CTNNBL1: variants seen among roughly 807,000 people sequenced by gnomAD.
The protein encoded by CTNNBL1 is beta-catenin-like protein 1.
A neutral mutation model predicts 72.7 loss-of-function variants in CTNNBL1; 31 were observed. That is an observed-to-expected ratio of 0.43 (90% CI 0.32 to 0.58). CTNNBL1 has a LOEUF of 0.58. Ranked by LOEUF, CTNNBL1 falls within the 20% of genes least tolerant of loss-of-function variation. The pLI is 0.08. For missense variants in CTNNBL1, 534 were observed against 725.1 expected (o/e 0.74, Z 3.03); for synonymous variants, 240 against 267.3 (o/e 0.90, Z 1.00).
Position 37,768,927 on chromosome 20 carries a change from C to T in CTNNBL1, c.750+883C>T, listed in dbSNP as rs535216909. On this transcript the variant is annotated intron_variant, in intron 7 of 15. Transcript: ENST00000361383. Reference sequence around the variant, plus strand: ...CCGAGTAGCTGGGATTACAGGTGTGCGCCACCACGCCTGGCTAATTTTTGT... The same window carrying T: ...CCGAGTAGCTGGGATTACAGGTGTGTGCCACCACGCCTGGCTAATTTTTGT... Among the ~76,000 whole-genome samples the T allele has an allele frequency of 6.4e-4, 98 of 152,082 alleles. No individual in the cohort carries two copies. In the South Asian group the frequency reaches 7.7e-3, roughly 12 times the overall value.
chr20:37,842,092 A>G (rs1182969723), intron 12 of CTNNBL1, among the ~76,000 whole-genome samples: 1 of 152,232 alleles, frequency 6.6e-6, no homozygotes, highest in African/African-American at 2.4e-5. Context: ...CTGAGAATGC[A>G]TAGCCTCCTT....
intron 15 of CTNNBL1, among the ~76,000 whole-genome samples, chr20:37,868,494 C>T (rs1239972801): frequency 1.3e-5 from 2 of 152,174 alleles, no homozygotes; most frequent in Admixed American, 6.5e-5. Flanking sequence ...CAGTGCACAG[C>T]ACATGTTAGT....
chr20:37,697,725 TCTC>T (rs1304319072), intron 1 of CTNNBL1, among the ~76,000 whole-genome samples: 1 of 152,196 alleles, frequency 6.6e-6, no homozygotes, highest in Non-Finnish European at 1.5e-5. Context: ...AGAATCCTGG[TCTC>T]CTTATTATTA....
chr20:37,714,149 C>G (rs190712441), intron 1 of CTNNBL1, among the ~76,000 whole-genome samples: 2 of 152,154 alleles, frequency 1.3e-5, no homozygotes, highest in Admixed American at 1.3e-4. Context: ...GTACTTTCCT[C>G]CAAGTCTACT....
At chr20:37,856,571 G>C (rs1434893005) in intron 13 of CTNNBL1, among the ~76,000 whole-genome samples, 1 of 150,876 alleles carries the variant, frequency 6.6e-6, no homozygotes, top group African/African-American at 2.5e-5. Flanking sequence ...GGGTGAGGGG[G>C]AGTGAGCAGA....
intron 1 of CTNNBL1, among the ~76,000 whole-genome samples, chr20:37,703,286 C>A (rs2072859305): frequency 1.3e-5 from 2 of 152,138 alleles, no homozygotes; most frequent in East Asian, 3.8e-4. Context: ...TCAGAGATGT[C>A]TGGTCATTTT....
At chr20:37,695,725 C>T (rs904737424) in intron 1 of CTNNBL1, among the ~76,000 whole-genome samples, 6 of 152,204 alleles carry the variant, frequency 3.9e-5, no homozygotes, top group African/African-American at 1.2e-4. Context: ...CTTAATTTCT[C>T]TCTGCCTTGG....
In CTNNBL1 at chr20:37,732,908, T is replaced by C. The variant is rs756099330; in HGVS notation, c.60T>C (p.Asp20=). The C allele has an allele frequency of 2.5e-6, 4 of 1,613,798 alleles. No homozygotes were observed. In the South Asian group the frequency reaches 3.3e-5, roughly 13 times the overall value. ...ATAGGGGCACAAAACGTCCCCGGGA[T>C]GATGAAGAGGAGGAGCAGAAGATGC... ...QPNRGTKRPR[D]DEEEEQKMRR... The change falls in exon 2 of 16, where the codon GAT becomes GAC. Residue 20 remains aspartate (D), a synonymous_variant. Transcript: ENST00000361383.
chr20:37,746,606 A>C lies in CTNNBL1; in HGVS notation c.465A>C (p.Thr155=). The part of the protein sequence containing the change: ...SLLGLLGHDN[T]DVSIAVVDLL... Reference sequence around the variant, plus strand: ...TCGGCTTGCTCGGACACGATAATACAGATATCCTTTCAGATCTGACCTCAG... The same window carrying C: ...TCGGCTTGCTCGGACACGATAATACCGATATCCTTTCAGATCTGACCTCAG... The change falls in exon 4 of 16, where the codon ACA becomes ACC. Residue 155 remains threonine (T), a splice_region_variant and synonymous_variant. Transcript: ENST00000361383. 6.2e-7 allele frequency: 1 copy of C among 1,614,048 alleles called. No homozygotes were observed. The highest frequency in any genetic ancestry group is 8.5e-7 in the Non-Finnish European group (1 of 1,179,950).
rs143872196 is a variant in CTNNBL1 at position 37,803,468 on chromosome 20, T to C, written c.1213+420T>C. Among the ~76,000 whole-genome samples, 124 of 152,286 alleles carry C rather than the reference T, an allele frequency of 8.1e-4. No individual in the cohort carries two copies. In the East Asian group the frequency reaches 0.014, roughly 17 times the overall value. On this transcript the variant is annotated intron_variant, in intron 11 of 15. Coordinates refer to ENST00000361383, the MANE Select transcript of CTNNBL1 (RefSeq NM_030877.5). ...AACATCAGGAATTGCCGAAATAAAC[T>C]ATTTATAGCCCAGATTCCCCTTTTA...
At chr20:37,811,904 G>A (rs559278163) in intron 11 of CTNNBL1, among the ~76,000 whole-genome samples, 2 of 152,340 alleles carry the variant, frequency 1.3e-5, no homozygotes, top group East Asian at 3.9e-4. Flanking sequence ...CAGAGAGTTT[G>A]TCAGTTACCA....
chr20:37,706,965 T>A, intron 1 of CTNNBL1, among the ~76,000 whole-genome samples: 1 of 152,236 alleles, frequency 6.6e-6, no homozygotes, highest in East Asian at 1.9e-4. Flanking sequence ...ACCTCTTGGG[T>A]GACCAGATGC....
intron 1 of CTNNBL1, among the ~76,000 whole-genome samples, chr20:37,714,595 C>G (rs1168379543): frequency 6.6e-6 from 1 of 152,210 alleles, no homozygotes; most frequent in East Asian, 1.9e-4. Context: ...ATTGCTGTCT[C>G]TGACTCTAAA....
chr20:37,775,351 C>G (rs1381566148), intron 7 of CTNNBL1, among the ~76,000 whole-genome samples: 1 of 152,168 alleles, frequency 6.6e-6, no homozygotes, highest in East Asian at 1.9e-4. Flanking sequence ...GTCAGAGCAG[C>G]TATCCAAACG....
chr20:37,702,320 T>C (rs1428474752), intron 1 of CTNNBL1, among the ~76,000 whole-genome samples: 1 of 152,264 alleles, frequency 6.6e-6, no homozygotes, highest in African/African-American at 2.4e-5. Context: ...TGTATTATTA[T>C]GTGCCTCATA....
At chr20:37,805,920 C>T (rs1038057706) in intron 11 of CTNNBL1, among the ~76,000 whole-genome samples, 7 of 152,184 alleles carry the variant, frequency 4.6e-5, no homozygotes, top group Admixed American at 1.3e-4. Context: ...TGTGAATGAA[C>T]AACCATTTCC....
chr20:37,729,661 C>T (rs568301873), intron 1 of CTNNBL1, among the ~76,000 whole-genome samples: 3 of 152,160 alleles, frequency 2.0e-5, no homozygotes, highest in Non-Finnish European at 4.4e-5. Context: ...TAATCAGAAT[C>T]GCAGCAGGGC....
At chr20:37,819,872 C>CTTTTT (rs368562087) in intron 11 of CTNNBL1, among the ~76,000 whole-genome samples, 10 of 121,222 alleles carry the variant, frequency 8.2e-5, no homozygotes, top group South Asian at 2.8e-4. Context: ...CTTTTAATAT[C>CTTTTT]TTTTTTTTTT....
chr20:37,817,882 G>C (rs2072073775), intron 11 of CTNNBL1, among the ~76,000 whole-genome samples: 1 of 152,194 alleles, frequency 6.6e-6, no homozygotes, highest in Admixed American at 6.5e-5. Context: ...ACATACCTGG[G>C]AGTCTCTTGG....
Sources: allele counts gnomAD v4.1 joint callset (sites outside exome capture counted in the v4.1 genomes callset), GRCh38; gene constraint gnomAD v4.1.1; transcripts MANE v1.5; gene names NCBI Gene and HGNC (gene_info 2026-07-23, HGNC 2026-07-21).